Variants in OPCML observed in about 807,000 individuals in gnomAD.
OPCML encodes opioid binding protein/cell adhesion molecule like, also known as opioid-binding protein/cell adhesion molecule.
Under a neutral mutation model 37.8 loss-of-function variants are expected in OPCML, and 13 were observed. The observed-to-expected ratio is 0.34, with a 90% CI of 0.22 to 0.55. The LOEUF (loss-of-function observed/expected upper bound fraction) is 0.55, where lower values mean the gene tolerates loss of function less well. Ranked by LOEUF, OPCML falls within the 20% of genes least tolerant of loss-of-function variation. The pLI, the probability that OPCML is intolerant of heterozygous loss-of-function variation, is 0.91. For synonymous variants in OPCML, 176 were observed against 168.8 expected (o/e 1.04, Z -0.33); for missense variants, 341 against 435.6 (o/e 0.78, Z 1.93).
At chr11:132,956,440 C>T (rs184029161) in intron 1 of OPCML, among the ~76,000 whole-genome samples, 66 of 152,280 alleles carry the variant, frequency 4.3e-4, no homozygotes, top group Non-Finnish European at 4.3e-4. Context: ...GATAGTGCCC[C>T]GCCTTTATTC....
intron 1 of OPCML, among the ~76,000 whole-genome samples, chr11:133,520,338 G>A (rs1425214672): frequency 6.6e-6 from 1 of 152,082 alleles, no homozygotes; most frequent in Non-Finnish European, 1.5e-5. Context: ...CCAAGAAGCT[G>A]AGCCTGCTGG....
chr11:132,604,066 G>A (rs1938109589), intron 3 of OPCML, among the ~76,000 whole-genome samples: 2 of 152,138 alleles, frequency 1.3e-5, no homozygotes, highest in Admixed American at 1.3e-4. Flanking sequence ...TGGAATACTT[G>A]TTGGTGCTCC....
intron 7 of OPCML, among the ~76,000 whole-genome samples, chr11:132,423,845 G>T (rs959814121): frequency 1.3e-5 from 2 of 152,168 alleles, no homozygotes; most frequent in Admixed American, 1.3e-4. Context: ...TGTGACAGGG[G>T]AGGACATGGT....
At chr11:133,005,167 C>T (rs1947083764) in intron 1 of OPCML, 1 of 985,388 alleles carries the variant, frequency 1.0e-6, no homozygotes, top group African/African-American at 1.7e-5. Context: ...GACCCTCCAC[C>T]CAATCTCTCT....
intron 1 of OPCML, among the ~76,000 whole-genome samples, chr11:133,452,236 G>T (rs1419171001): frequency 6.6e-6 from 1 of 151,588 alleles, no homozygotes; most frequent in African/African-American, 2.4e-5. Flanking sequence ...CTATGCTCAA[G>T]AATAGAAAGG....
chr11:132,996,358 G>A (rs1946884890), intron 1 of OPCML, among the ~76,000 whole-genome samples: 1 of 151,812 alleles, frequency 6.6e-6, no homozygotes, highest in Non-Finnish European at 1.5e-5. Context: ...AGTGGCTCAT[G>A]CCTGTAATCC....
chr11:133,436,812 T>G (rs1441830495), intron 1 of OPCML, among the ~76,000 whole-genome samples: 1 of 152,164 alleles, frequency 6.6e-6, no homozygotes, highest in Non-Finnish European at 1.5e-5. Flanking sequence ...ATACTTTATG[T>G]GAAAACCCCC....
chr11:132,855,823 A>G (rs1203935262), intron 2 of OPCML, among the ~76,000 whole-genome samples: 2 of 152,240 alleles, frequency 1.3e-5, no homozygotes, highest in Non-Finnish European at 2.9e-5. Flanking sequence ...GTTATACAGC[A>G]AAAGATAACT....
chr11:132,653,825 T>G (rs1397359855), intron 3 of OPCML, among the ~76,000 whole-genome samples: 1 of 152,152 alleles, frequency 6.6e-6, no homozygotes, highest in African/African-American at 2.4e-5. Context: ...ATACCCACCT[T>G]CTCAAATGGA....
chr11:132,864,406 C>T (rs901656947), intron 2 of OPCML, among the ~76,000 whole-genome samples: 4 of 152,234 alleles, frequency 2.6e-5, no homozygotes, highest in African/African-American at 9.6e-5. Flanking sequence ...GTCACTCACT[C>T]ACCACGTAAC....
At chr11:133,499,003 T>C (rs1009250369) in intron 1 of OPCML, among the ~76,000 whole-genome samples, 2 of 152,148 alleles carry the variant, frequency 1.3e-5, no homozygotes, top group African/African-American at 4.8e-5. Flanking sequence ...CATGTTCAAG[T>C]CCACAAATCC....
intron 1 of OPCML, among the ~76,000 whole-genome samples, chr11:133,064,503 G>A (rs955665210): frequency 6.6e-6 from 1 of 151,040 alleles, no homozygotes; most frequent in African/African-American, 2.5e-5. Context: ...TCCTACCAGA[G>A]ACTGTCGCTG....
intron 4 of OPCML, among the ~76,000 whole-genome samples, chr11:132,513,025 T>C (rs2096272193): frequency 6.6e-6 from 1 of 152,124 alleles, no homozygotes; most frequent in African/African-American, 2.4e-5. Flanking sequence ...ATGTTCACTG[T>C]CTGTTTAGCC....
At chr11:133,345,967 C>A (rs529426119) in intron 1 of OPCML, among the ~76,000 whole-genome samples, 3 of 152,138 alleles carry the variant, frequency 2.0e-5, no homozygotes, top group Admixed American at 2.0e-4. Context: ...TAGCTCTGGT[C>A]GCTAATACAC....
chr11:132,821,555 T>G (rs748835962), intron 2 of OPCML, among the ~76,000 whole-genome samples: 1 of 152,220 alleles, frequency 6.6e-6, no homozygotes, highest in Non-Finnish European at 1.5e-5. Flanking sequence ...CTCAAATATC[T>G]TCATTAAAAA....
intron 2 of OPCML, among the ~76,000 whole-genome samples, chr11:132,704,954 G>C (rs1238846228): frequency 6.6e-6 from 1 of 152,256 alleles, no homozygotes; most frequent in East Asian, 1.9e-4. Context: ...GAGGTTGGGA[G>C]ATGGAAGAGT....
intron 3 of OPCML, among the ~76,000 whole-genome samples, chr11:132,599,442 A>AAGG (rs1170807540): frequency 1.3e-5 from 2 of 151,252 alleles, no homozygotes; most frequent in African/African-American, 4.9e-5. Context: ...GAGGAGAAGG[A>AAGG]AGGAGGAGGA....
intron 1 of OPCML, among the ~76,000 whole-genome samples, chr11:133,413,719 T>C (rs1945700957): frequency 6.6e-6 from 1 of 152,126 alleles, no homozygotes; most frequent in Non-Finnish European, 1.5e-5. Context: ...TGGGGTCTTA[T>C]CCAGGATGAA....
chr11:133,493,326 T>G (rs1320316434), intron 1 of OPCML, among the ~76,000 whole-genome samples: 1 of 152,178 alleles, frequency 6.6e-6, no homozygotes, highest in East Asian at 1.9e-4. Flanking sequence ...CTGCCATTAT[T>G]ACACAAATGA....
Sources: gnomAD v4.1 joint callset for allele counts (sites outside exome capture counted in the v4.1 genomes callset) on GRCh38, gnomAD v4.1.1 for gene constraint, MANE v1.5 for transcripts, NCBI Gene and HGNC (gene_info 2026-07-23, HGNC 2026-07-21) for gene names.